The following RNF150 variants were observed in gnomAD, a reference collection of about 807,000 sequenced individuals.
The protein encoded by RNF150 is ring finger protein 150.
Under a neutral mutation model 39.3 loss-of-function variants are expected in RNF150, and 24 were observed. The observed-to-expected ratio is 0.61, with a 90% confidence interval of 0.44 to 0.86. RNF150 has a LOEUF of 0.86. RNF150 is among the 40% of genes least tolerant of loss of function. RNF150 has a pLI of 0.00. For synonymous variants in RNF150, 255 were observed against 227.3 expected, an observed-to-expected ratio of 1.12 and a Z score of -1.10; for missense variants, 502 against 587.8, an observed-to-expected ratio of 0.85 and a Z score of 1.51.
chr4:141,171,497 T>G (rs1389884785), intron 1 of RNF150, among the ~76,000 whole-genome samples: 5 of 147,262 alleles, frequency 3.4e-5, no homozygotes, highest in South Asian at 4.4e-4. Context: ...AGAGAGAAAG[T>G]GGGGATTCTT....
chr4:141,037,485 C>T (rs1736189844), intron 1 of RNF150, among the ~76,000 whole-genome samples: 1 of 152,104 alleles, frequency 6.6e-6, no homozygotes, highest in Non-Finnish European at 1.5e-5. Context: ...ATTAAATCTG[C>T]ACTTTCTTCT....
At position 141,028,254 on chromosome 4, in the gene RNF150, G is replaced by A. The variant is rs1560696990; in HGVS notation, c.485-60381C>T. ...CATTTGGCATTCATTAAGAAGTAGT[G>A]GCTAAAATTAGTCAGAATCCTAGGT... On this transcript the variant is annotated intron_variant, in intron 1 of 6. Coordinates refer to ENST00000515673, the MANE Select transcript of RNF150 (RefSeq NM_020724.2). Among the ~76,000 whole-genome samples, 3 of 152,248 alleles carry A rather than the reference G, an allele frequency of 2.0e-5. No homozygotes were observed. In the South Asian group the frequency reaches 6.2e-4, roughly 32 times the overall value.
intron 1 of RNF150, among the ~76,000 whole-genome samples, chr4:140,969,804 C>T (rs955030960): frequency 1.4e-5 from 2 of 138,524 alleles, no homozygotes; most frequent in African/African-American, 5.3e-5. Context: ...CTCTGTTGCC[C>T]AGGCTGGAGT....
At chr4:140,962,104 G>A (rs9993296) in intron 2 of RNF150, among the ~76,000 whole-genome samples, 5,275 of 149,038 alleles carry the variant, frequency 0.035, 321 homozygotes, top group African/African-American at 0.12. Flanking sequence ...CTACACACAC[G>A]CGCGCACACA....
chr4:141,007,632 C>T (rs1194231634), intron 1 of RNF150, among the ~76,000 whole-genome samples: 1 of 152,174 alleles, frequency 6.6e-6, no homozygotes, highest in Non-Finnish European at 1.5e-5. Flanking sequence ...AATTTCCCAA[C>T]TATTTCAACA....
chr4:141,197,523 C>A (rs901426665), intron 1 of RNF150, among the ~76,000 whole-genome samples: 1 of 152,086 alleles, frequency 6.6e-6, no homozygotes, highest in Non-Finnish European at 1.5e-5. Context: ...TATTTTCTCT[C>A]CAAATTTACT....
upstream of RNF150, among the ~76,000 whole-genome samples, chr4:141,134,083 T>C (rs745554624): frequency 6.6e-6 from 1 of 152,242 alleles, no homozygotes; most frequent in Non-Finnish European, 1.5e-5. Flanking sequence ...ATAGGTGTTT[T>C]GTCACTCTGT....
At chr4:141,070,362 A>G (rs1215207010) in intron 1 of RNF150, among the ~76,000 whole-genome samples, 1 of 151,028 alleles carries the variant, frequency 6.6e-6, no homozygotes, top group Non-Finnish European at 1.5e-5. Context: ...AATGGCAACA[A>G]AAGCCAAAAT....
At chr4:141,115,945 AAAACTG>A (rs1739536012) in intron 1 of RNF150, among the ~76,000 whole-genome samples, 1 of 152,246 alleles carries the variant, frequency 6.6e-6, no homozygotes, top group Non-Finnish European at 1.5e-5. Flanking sequence ...CCATAGGCAG[AAAACTG>A]AAACTGGACC....
intron 1 of RNF150, among the ~76,000 whole-genome samples, chr4:141,093,078 A>G (rs1211708539): frequency 6.6e-6 from 1 of 152,050 alleles, no homozygotes; most frequent in African/African-American, 2.4e-5. Context: ...TAAAAAAGGG[A>G]ACTGGTGGCT....
intron 1 of RNF150, among the ~76,000 whole-genome samples, chr4:141,181,947 G>C (rs1727915630): frequency 1.3e-5 from 2 of 152,084 alleles, no homozygotes; most frequent in South Asian, 4.1e-4. Flanking sequence ...TTACCTTCTA[G>C]CTCTATCAGT....
At chr4:140,924,574 T>C (rs990872007) in intron 5 of RNF150, among the ~76,000 whole-genome samples, 4 of 152,170 alleles carry the variant, frequency 2.6e-5, no homozygotes, top group East Asian at 1.9e-4. Flanking sequence ...TTGGAGACCA[T>C]AGACACACAT....
intron 1 of RNF150, among the ~76,000 whole-genome samples, chr4:141,108,342 A>G (rs539610683): frequency 1.3e-5 from 2 of 152,316 alleles, no homozygotes; most frequent in African/African-American, 4.8e-5. Context: ...TCAATTCAAT[A>G]AATTCCATCT....
intron 1 of RNF150, among the ~76,000 whole-genome samples, chr4:141,094,655 GT>G (rs1738708302): frequency 6.6e-6 from 1 of 152,252 alleles, no homozygotes; most frequent in African/African-American, 2.4e-5. Flanking sequence ...CCACATGGCC[GT>G]AGTTTGCCAG....
chr4:141,204,940 TG>T (rs1728350889), intron 1 of RNF150, among the ~76,000 whole-genome samples: 2 of 152,184 alleles, frequency 1.3e-5, no homozygotes, highest in South Asian at 4.1e-4. Flanking sequence ...TGTAAAATTT[TG>T]TCAAGATCAT....
chr4:141,167,298 A>T (rs1256967049), intron 1 of RNF150, among the ~76,000 whole-genome samples: 1 of 119,850 alleles, frequency 8.3e-6, no homozygotes, highest in Admixed American at 8.4e-5. Flanking sequence ...ATAAGAGAGG[A>T]CACAAACAAG....
chr4:141,038,526 A>G (rs1479632526), intron 1 of RNF150, among the ~76,000 whole-genome samples: 5 of 151,992 alleles, frequency 3.3e-5, no homozygotes, highest in African/African-American at 1.2e-4. Flanking sequence ...CTCCATCTCT[A>G]CAAAATTTTA....
chr4:141,114,283 A>G (rs1004400081), intron 1 of RNF150, among the ~76,000 whole-genome samples: 5 of 152,210 alleles, frequency 3.3e-5, no homozygotes, highest in Non-Finnish European at 5.9e-5. Context: ...AAAAAAGAAA[A>G]GAGAGAAGTA....
intron 6 of RNF150, among the ~76,000 whole-genome samples, chr4:140,900,318 C>T (rs1270962437): frequency 1.3e-5 from 2 of 152,092 alleles, no homozygotes; most frequent in Non-Finnish European, 1.5e-5. Context: ...TTACAACTTT[C>T]TAGGAATTGA....
Sources: gnomAD v4.1 joint callset for allele counts (sites outside exome capture counted in the v4.1 genomes callset) on GRCh38, gnomAD v4.1.1 for gene constraint, MANE v1.5 for transcripts, NCBI Gene and HGNC (gene_info 2026-07-23, HGNC 2026-07-21) for gene names.